Variants in TOPBP1 observed in about 807,000 individuals in gnomAD.
The protein encoded by TOPBP1 is DNA topoisomerase II binding protein 1.
In TOPBP1, 28 loss-of-function variants were observed where a neutral mutation model predicts 167.7. The observed-to-expected ratio is 0.17, with a 90% confidence interval of 0.12 to 0.23. The LOEUF is 0.23. Ranked by LOEUF, TOPBP1 falls within the 10% of genes least tolerant of loss-of-function variation. TOPBP1 has a pLI of 1.00. For synonymous variants in TOPBP1, 598 were observed against 611.4 expected (o/e 0.98, Z 0.32); for missense variants, 1,554 against 1,809.6 (o/e 0.86, Z 2.56).
In TOPBP1 at chr3:133,640,073, C is replaced by G. The variant is rs1935843192; in HGVS notation, c.2119G>C (p.Ala707Pro). 1.2e-6 allele frequency: 2 copies of G among 1,613,744 alleles called. No homozygotes were observed. Among genetic ancestry groups the G allele is most frequent in the Non-Finnish European group, 1.7e-6 (2 of 1,179,848 alleles). The stretch of plus-strand genomic sequence containing the variant: ...GCAGGTAAATTCCACTTCTTTGCAG[C>G]TTCATATTTAGAGCCACCACGTTCT... ...LKERGGSKYEAAKKWNLPAVT... is the reference protein window; with the variant it reads ...LKERGGSKYEPAKKWNLPAVT... The change falls in exon 13 of 28, where the codon GCT becomes CCT. Residue 707 changes from alanine (A) to proline (P), a missense_variant. Ala to Pro is a conservative substitution (Grantham distance 27). This residue lies in a region of TOPBP1 where 1,197 missense variants were observed against 1,351.5 expected (regional missense o/e 0.89). Coordinates refer to ENST00000260810, the MANE Select transcript of TOPBP1 (RefSeq NM_007027.4).
chr3:133,617,358 G>T (rs772615690), intron 21 of TOPBP1, 32 bp from the exon 22 acceptor site: 1 of 1,543,110 alleles, frequency 6.5e-7, no homozygotes, highest in South Asian at 1.3e-5. Context: ...AGTGTGACAG[G>T]ATCCAAATAA....
chr3:133,638,804 A>C (rs916310866), intron 13 of TOPBP1, among the ~76,000 whole-genome samples: 15 of 152,184 alleles, frequency 9.9e-5, no homozygotes, highest in African/African-American at 3.4e-4. Flanking sequence ...TTAACAAAAA[A>C]CCTTATTAGA....
At chr3:133,608,141 A>T (rs1379556520) in intron 27 of TOPBP1, among the ~76,000 whole-genome samples, 1 of 152,146 alleles carries the variant, frequency 6.6e-6, no homozygotes, top group Non-Finnish European at 1.5e-5. Flanking sequence ...CAAATGCTTA[A>T]ATTTACCACA....
chr3:133,622,177 C>T (rs1355058796), intron 19 of TOPBP1, among the ~76,000 whole-genome samples: 2 of 140,464 alleles, frequency 1.4e-5, no homozygotes, highest in Admixed American at 7.5e-5. Context: ...TAGTAGTCCA[C>T]CATTTATGTT....
intron 10 of TOPBP1, among the ~76,000 whole-genome samples, chr3:133,648,154 T>G (rs188521883): frequency 9.5e-4 from 144 of 152,270 alleles, no homozygotes; most frequent in African/African-American, 3.3e-3. Flanking sequence ...TGACCTCCTA[T>G]CCAGCAGTCA....
rs923592358 is a variant in TOPBP1 at position 133,625,596 on chromosome 3, T to C, written c.2805-1421A>G. Reference sequence around the variant, plus strand: ...AAAATACAAAATTAGCCGGGTGTGGTGGCGCATGCCTGTAATACCAGCTAC... The same window carrying C: ...AAAATACAAAATTAGCCGGGTGTGGCGGCGCATGCCTGTAATACCAGCTAC... On this transcript the variant is annotated intron_variant, in intron 16 of 27. Transcript: ENST00000260810. Among the ~76,000 whole-genome samples, 8 of 152,084 alleles carry C rather than the reference T, an allele frequency of 5.3e-5. 1 individual carries two copies. The highest frequency in any genetic ancestry group is 1.9e-4 in the East Asian group (1 of 5,134).
chr3:133,619,078 A>C (rs924576991), intron 20 of TOPBP1, among the ~76,000 whole-genome samples: 3 of 151,246 alleles, frequency 2.0e-5, no homozygotes, highest in Non-Finnish European at 2.9e-5. Context: ...CTTAGTAAAA[A>C]TAATTTACCA....
chr3:133,658,679 C>G (rs1202259038), intron 3 of TOPBP1, among the ~76,000 whole-genome samples: 1 of 151,950 alleles, frequency 6.6e-6, no homozygotes, highest in African/African-American at 2.4e-5. Context: ...TGTGTATATA[C>G]ATCTGTAATC....
At chr3:133,631,799 G>A (rs554186100) in intron 14 of TOPBP1, among the ~76,000 whole-genome samples, 5 of 152,058 alleles carry the variant, frequency 3.3e-5, no homozygotes, top group South Asian at 2.1e-4. Flanking sequence ...CATCACACCC[G>A]GCTCATTTTT....
intron 17 of TOPBP1, 120 bp from the exon 18 acceptor site, chr3:133,623,577 T>G (rs1171504791): frequency 8.3e-7 from 1 of 1,210,134 alleles, no homozygotes; most frequent in Non-Finnish European, 1.1e-6. Flanking sequence ...TTCACAAAAC[T>G]GGTTTGAAAA....
At position 133,613,427 on chromosome 3, in the gene TOPBP1, T is replaced by G. The variant is rs1934748681; in HGVS notation, c.3872-875A>C. On this transcript the variant is annotated intron_variant, in intron 23 of 27. Transcript: ENST00000260810. ...CACACGCTGTAGTTGGTTATGTCTC[T>G]TAAGTCTCAATTACAAAAGCAGTTT... Among the ~76,000 whole-genome samples, 8 of 152,312 alleles carry G rather than the reference T, an allele frequency of 5.3e-5. No individual in the cohort carries two copies. The South Asian group carries it at 1.7e-3, about 32-fold the overall frequency.
intron 15 of TOPBP1, 29 bp from the exon 16 acceptor site, chr3:133,628,500 C>A: frequency 6.2e-7 from 1 of 1,605,474 alleles, no homozygotes; most frequent in Non-Finnish European, 8.5e-7. Flanking sequence ...AGAAACAGAT[C>A]AGTCATTATT....
At chr3:133,624,452 C>A (rs1407655836) in intron 16 of TOPBP1, among the ~76,000 whole-genome samples, 2 of 151,902 alleles carry the variant, frequency 1.3e-5, no homozygotes, top group Non-Finnish European at 2.9e-5. Context: ...TCAGCCCAGG[C>A]AACACAGCAA....
At chr3:133,631,373 C>T (rs984368932) in intron 14 of TOPBP1, among the ~76,000 whole-genome samples, 2 of 152,196 alleles carry the variant, frequency 1.3e-5, no homozygotes, top group African/African-American at 4.8e-5. Flanking sequence ...CGTGACACCA[C>T]ACTGTTTTAA....
chr3:133,615,278 T>A (rs1385113500), intron 23 of TOPBP1, among the ~76,000 whole-genome samples: 1 of 152,128 alleles, frequency 6.6e-6, no homozygotes, highest in African/African-American at 2.4e-5. Context: ...GAGACCAGCC[T>A]GGCCAACATG....
intron 16 of TOPBP1, among the ~76,000 whole-genome samples, chr3:133,626,364 C>T (rs147296633): frequency 1.2e-3 from 180 of 152,274 alleles, no homozygotes; most frequent in African/African-American, 4.2e-3. Flanking sequence ...GAGGGTGCTA[C>T]TAGCATGCAG....
chr3:133,628,337 T>A (rs775266374), intron 16 of TOPBP1, 25 bp downstream of exon 16: 1 of 1,564,614 alleles, frequency 6.4e-7, no homozygotes, highest in Non-Finnish European at 8.7e-7. Context: ...CATATCACCA[T>A]GAAACAGAAA....
At chr3:133,660,167 T>C (rs1936638545) in intron 2 of TOPBP1, among the ~76,000 whole-genome samples, 1 of 152,072 alleles carries the variant, frequency 6.6e-6, no homozygotes, top group Admixed American at 6.5e-5. Context: ...TGCAAGGCTA[T>C]CTCACCTCCT....
At chr3:133,629,824 T>A (rs112327474) in intron 14 of TOPBP1, among the ~76,000 whole-genome samples, 4,991 of 152,282 alleles carry the variant, frequency 0.033, 96 homozygotes, top group Middle Eastern at 0.051. Context: ...TCTCGCTCTG[T>A]CACCCAGGCT....
Sources: gnomAD v4.1 joint callset for allele counts (sites outside exome capture counted in the v4.1 genomes callset) on GRCh38, gnomAD v4.1.1 for gene constraint, gnomAD v4.1.1 regional missense constraint, MANE v1.5 for transcripts, NCBI Gene and HGNC (gene_info 2026-07-23, HGNC 2026-07-21) for gene names.